Variants in SPAG16 observed in about 807,000 individuals in gnomAD.
SPAG16 encodes the protein sperm associated antigen 16, also known as sperm-associated antigen 16 protein.
Under a neutral mutation model 80.4 loss-of-function variants are expected in SPAG16, and 86 were observed. The ratio of observed to expected loss-of-function variants is 1.07; its 90% CI spans 0.90 to 1.28. The LOEUF is 1.28. SPAG16 is among the 50% of genes most tolerant of loss of function. SPAG16 has a pLI of 0.00. For missense variants in SPAG16, 870 were observed against 765.3 expected (o/e 1.14, Z -1.61); for synonymous variants, 294 against 265.9 (o/e 1.11, Z -1.03).
chr2:214,193,155 C>T (rs755424746), intron 15 of SPAG16, among the ~76,000 whole-genome samples: 14 of 152,074 alleles, frequency 9.2e-5, no homozygotes, highest in African/African-American at 3.4e-4. Flanking sequence ...GGCATAATTT[C>T]TCAGACATTT....
chr2:214,184,738 TTATAAG>T (rs771386410), intron 15 of SPAG16, among the ~76,000 whole-genome samples: 3 of 152,146 alleles, frequency 2.0e-5, no homozygotes, highest in Non-Finnish European at 2.9e-5. Flanking sequence ...ATAGTAGGAT[TTATAAG>T]TATAATTATT....
chr2:213,340,365 C>T, intron 6 of SPAG16, 95 bp downstream of exon 6: 2 of 870,494 alleles, frequency 2.3e-6, no homozygotes, highest in South Asian at 3.2e-5. Flanking sequence ...GTTATTAATT[C>T]CACGGTTATT....
At chr2:213,986,981 A>G (rs1241434491) in intron 12 of SPAG16, among the ~76,000 whole-genome samples, 1 of 151,934 alleles carries the variant, frequency 6.6e-6, no homozygotes, top group Admixed American at 6.6e-5. Flanking sequence ...AAGAGGGAAA[A>G]AACAAAATGC....
In SPAG16 at chr2:213,752,888, T is replaced by C. The variant is rs1380353813; in HGVS notation, c.1071-109597T>C. On this transcript the variant is annotated intron_variant, in intron 10 of 15. Transcript: ENST00000331683. ...GACTCCAGTTCCCTTTCCTAGCCAA[T>C]GAATAAAAGCTTACAAACCATCGTC... Among the ~76,000 whole-genome samples, 6 of 152,344 alleles carry C rather than the reference T, an allele frequency of 3.9e-5. No individual in the cohort carries two copies. The East Asian group carries it at 1.2e-3, about 29-fold the overall frequency.
At chr2:213,469,576 T>G (rs1157953932) in intron 9 of SPAG16, among the ~76,000 whole-genome samples, 13 of 145,318 alleles carry the variant, frequency 8.9e-5, no homozygotes, top group Non-Finnish European at 1.5e-5. Context: ...GCAGGTTTTT[T>G]TTTTTTTTTT....
chr2:214,324,106 A>G (rs1403345531), intron 15 of SPAG16, among the ~76,000 whole-genome samples: 1 of 152,214 alleles, frequency 6.6e-6, no homozygotes, highest in Non-Finnish European at 1.5e-5. Flanking sequence ...AGAAAAATGA[A>G]AATAGCTTAG....
chr2:213,336,074 C>T (rs1382761829), intron 5 of SPAG16, among the ~76,000 whole-genome samples: 1 of 152,082 alleles, frequency 6.6e-6, no homozygotes, highest in African/African-American at 2.4e-5. Context: ...GAGGGCCCAC[C>T]CAAGAGCTGT....
intron 7 of SPAG16, among the ~76,000 whole-genome samples, chr2:213,361,849 C>A (rs909629890): frequency 2.7e-5 from 4 of 149,718 alleles, no homozygotes; most frequent in African/African-American, 7.4e-5. Context: ...AATAAATTCA[C>A]TACTTGTGGA....
chr2:213,434,853 T>A (rs2070531458), intron 9 of SPAG16, among the ~76,000 whole-genome samples: 2 of 152,180 alleles, frequency 1.3e-5, no homozygotes, highest in South Asian at 4.1e-4. Context: ...ATTTAGACAC[T>A]GTTTATGGGA....
chr2:213,683,499 C>T (rs181527483), intron 10 of SPAG16, among the ~76,000 whole-genome samples: 22 of 151,610 alleles, frequency 1.5e-4, no homozygotes, highest in Admixed American at 9.8e-4. Flanking sequence ...TGCAGTGAGC[C>T]GAGATCGCAT....
chr2:214,244,657 A>T (rs1276885796), intron 15 of SPAG16, among the ~76,000 whole-genome samples: 2 of 152,084 alleles, frequency 1.3e-5, no homozygotes, highest in Non-Finnish European at 2.9e-5. Context: ...GAGAATTTTT[A>T]AAAATAGTTA....
At chr2:214,226,413 T>C (rs188827532) in intron 15 of SPAG16, among the ~76,000 whole-genome samples, 8 of 152,240 alleles carry the variant, frequency 5.3e-5, no homozygotes, top group Admixed American at 5.2e-4. Context: ...AAAAGGTCTC[T>C]GATTATTTAA....
intron 15 of SPAG16, among the ~76,000 whole-genome samples, chr2:214,336,858 T>C (rs1201335004): frequency 1.5e-5 from 2 of 136,156 alleles, no homozygotes; most frequent in Non-Finnish European, 3.3e-5. Flanking sequence ...AGAAAGTTTT[T>C]ATAAATATTC....
chr2:214,192,611 C>T (rs139615259), intron 15 of SPAG16, among the ~76,000 whole-genome samples: 1 of 144,786 alleles, frequency 6.9e-6, no homozygotes, highest in East Asian at 2.1e-4. Flanking sequence ...GTTTATTGCA[C>T]TTAGTAGTAT....
intron 12 of SPAG16, among the ~76,000 whole-genome samples, chr2:213,979,138 G>T (rs1379185419): frequency 6.6e-6 from 1 of 151,964 alleles, no homozygotes; most frequent in Non-Finnish European, 1.5e-5. Context: ...TGTAGACAGG[G>T]TGTACAGAAG....
At chr2:213,349,136 A>G (rs2065182703) in intron 6 of SPAG16, among the ~76,000 whole-genome samples, 1 of 152,226 alleles carries the variant, frequency 6.6e-6, no homozygotes, top group African/African-American at 2.4e-5. Flanking sequence ...GAAGAAAATT[A>G]CAGAATATTT....
chr2:214,245,470 TAA>T (rs1281575779), intron 15 of SPAG16, among the ~76,000 whole-genome samples: 11 of 152,308 alleles, frequency 7.2e-5, no homozygotes, highest in African/African-American at 2.6e-4. Context: ...AAAGAAAATA[TAA>T]GTCATTGAGC....
At chr2:213,825,008 T>A (rs1575250854) in intron 10 of SPAG16, among the ~76,000 whole-genome samples, 1 of 151,462 alleles carries the variant, frequency 6.6e-6, no homozygotes, top group South Asian at 2.1e-4. Flanking sequence ...ACTTTCTTGA[T>A]TTTTTTTTCA....
At chr2:213,684,203 C>T (rs1249242810) in intron 10 of SPAG16, among the ~76,000 whole-genome samples, 1 of 152,148 alleles carries the variant, frequency 6.6e-6, no homozygotes, top group Non-Finnish European at 1.5e-5. Context: ...TAATAAAGAT[C>T]AAAATATCAG....
Sources: allele counts gnomAD v4.1 joint callset (sites outside exome capture counted in the v4.1 genomes callset), GRCh38; gene constraint gnomAD v4.1.1; transcripts MANE v1.5; gene names NCBI Gene and HGNC (gene_info 2026-07-23, HGNC 2026-07-21).